MINK1: variants seen among roughly 807,000 people sequenced by gnomAD.
The protein encoded by MINK1 is misshapen like kinase 1.
Under a neutral mutation model 178.4 loss-of-function variants are expected in MINK1, and 46 were observed. That is an observed-to-expected ratio of 0.26 (90% confidence interval 0.20 to 0.33). MINK1 has a LOEUF of 0.33. Ranked by LOEUF, MINK1 falls within the 10% of genes least tolerant of loss-of-function variation. The probability of loss-of-function intolerance (pLI) is 1.00; values close to 1 mark genes in which losing one functional copy is unlikely to be tolerated. For missense variants in MINK1, 1,366 were observed against 1,814.9 expected, an observed-to-expected ratio of 0.75 and a Z score of 4.49; for synonymous variants, 797 against 709.7, an observed-to-expected ratio of 1.12 and a Z score of -1.96.
chr17:4,894,730 C>A lies in MINK1; in HGVS notation c.2917+97C>A. On this transcript the variant is annotated intron_variant, in intron 24 of 31. Transcript: ENST00000355280. The surrounding 1 kb of genome is among the most constrained non-coding windows in gnomAD (Gnocchi z 4.1). The stretch of plus-strand genomic sequence containing the variant: ...TGAGACGCAGCCTCACAAAGCATAG[C>A]CACAGGACCTCTCCCTTGGGCCCTA... 1 of 948,866 alleles carries A rather than the reference C, an allele frequency of 1.1e-6. No homozygotes were observed. The highest frequency in any genetic ancestry group is 1.6e-6 in the Non-Finnish European group (1 of 608,786). 58.8% of individuals were successfully genotyped at this position (948,866 alleles called of 1,614,324 possible).
At chr17:4,868,963 G>C (rs558939836) in intron 1 of MINK1, 3 of 172,588 alleles carry the variant, frequency 1.7e-5, no homozygotes, top group South Asian at 8.4e-5. Context: ...TCGCTCTGTC[G>C]TGCAGGCTGG....
intron 1 of MINK1, among the ~76,000 whole-genome samples, chr17:4,843,091 G>A (rs1476554339): frequency 2.6e-5 from 4 of 152,120 alleles, no homozygotes; most frequent in Non-Finnish European, 5.9e-5. Flanking sequence ...GAGAGAGTCC[G>A]CCTAACCTTA....
chr17:4,846,907 C>T (rs1911125631), intron 1 of MINK1, among the ~76,000 whole-genome samples: 1 of 152,230 alleles, frequency 6.6e-6, no homozygotes, highest in Non-Finnish European at 1.5e-5. Context: ...TTCCCATACT[C>T]ATGCCTCATG....
intron 1 of MINK1, among the ~76,000 whole-genome samples, chr17:4,864,276 G>A (rs1278000870): frequency 3.3e-5 from 5 of 151,912 alleles, no homozygotes; most frequent in Non-Finnish European, 5.9e-5. Flanking sequence ...GCGCATGCCT[G>A]TAATCCCAGC....
chr17:4,860,520 G>GTAC (rs748851829), intron 1 of MINK1, among the ~76,000 whole-genome samples: 5 of 152,218 alleles, frequency 3.3e-5, no homozygotes, highest in South Asian at 2.1e-4. Flanking sequence ...CTCTCAGTCT[G>GTAC]TACTACTACT....
Position 4,896,618 on chromosome 17 carries a change from T to TGCCCCGAGGTG in MINK1, c.3775+37_3776-39dup, listed in dbSNP as rs1268658615. 18 of 1,612,406 alleles carry TGCCCCGAGGTG rather than the reference T, an allele frequency of 1.1e-5. No individual in the cohort carries two copies. The highest frequency in any genetic ancestry group is 1.4e-5 in the Non-Finnish European group (17 of 1,178,960). ...GTGAGCTGCCGCCCTCCCAGCCACA[T>TGCCCCGAGGTG]GCCCCGAGGTGGCCCCGGGGTGCAG... On this transcript the variant is annotated intron_variant, in intron 30 of 31. Transcript: ENST00000355280. The surrounding 1 kb of genome is among the most constrained non-coding windows in gnomAD (Gnocchi z 4.6).
chr17:4,844,204 T>C (rs1233764577), intron 1 of MINK1, among the ~76,000 whole-genome samples: 2 of 152,096 alleles, frequency 1.3e-5, no homozygotes, highest in Non-Finnish European at 2.9e-5. Flanking sequence ...TTTCACCATG[T>C]TGGTCAGGCT....
At position 4,887,681 on chromosome 17, in the gene MINK1, A is replaced by AGCT. The variant is rs755179013; in HGVS notation, c.1124_1126dup (p.Leu375dup). 1 of 1,562,922 alleles carries AGCT rather than the reference A, an allele frequency of 6.4e-7. No homozygotes were observed. The highest frequency in any genetic ancestry group is 1.9e-5 in the Admixed American group (1 of 51,290). Reference sequence around the variant, plus strand: ...TCAGAGGCTTTAAAACAGCAGCAGCAGCTGCAGCAGCAGCAGCAGCGAGAC... The same window carrying AGCT: ...TCAGAGGCTTTAAAACAGCAGCAGCAGCTGCTGCAGCAGCAGCAGCAGCGAGAC... On this transcript the variant is annotated inframe_insertion, in exon 12 of 32. Transcript: ENST00000355280. This position sits in a 1 kb window ranked among gnomAD's most constrained non-coding sequence, Gnocchi z 7.6.
chr17:4,886,972 C>T lies in MINK1; in HGVS notation c.950-138C>T. On this transcript the variant is annotated intron_variant, in intron 10 of 31. Coordinates refer to ENST00000355280, the MANE Select transcript of MINK1 (RefSeq NM_153827.5). This position sits in a 1 kb window ranked among gnomAD's most constrained non-coding sequence, Gnocchi z 6.1. Reference sequence around the variant, plus strand: ...CCCACACCTGAGACCCGCTGTCCTCCCATTGCCCCCAGGAAGTGGGTGGGG... The same window carrying T: ...CCCACACCTGAGACCCGCTGTCCTCTCATTGCCCCCAGGAAGTGGGTGGGG... 1.3e-6 allele frequency: 1 copy of T among 795,848 alleles called. No homozygotes were observed. Among genetic ancestry groups the T allele is most frequent in the Non-Finnish European group, 2.0e-6 (1 of 491,798 alleles). 49.3% of individuals were successfully genotyped at this position (795,848 alleles called of 1,614,324 possible).
Position 4,894,376 on chromosome 17 carries a change from T to A in MINK1, c.2808+65T>A, listed in dbSNP as rs1969206316. 3.2e-6 allele frequency: 5 copies of A among 1,571,972 alleles called. No individual in the cohort carries two copies. The Admixed American group carries it at 5.6e-5, about 18-fold the overall frequency. ...CCTGGCGATGGGCAGGAGGTCCCGG[T>A]GCTGGGTAACGGCAGAGGATGGGGC... On this transcript the variant is annotated intron_variant, in intron 23 of 31. Coordinates refer to ENST00000355280, the MANE Select transcript of MINK1 (RefSeq NM_153827.5). This position sits in a 1 kb window ranked among gnomAD's most constrained non-coding sequence, Gnocchi z 4.1.
At chr17:4,834,839 C>A (rs761374960) in intron 1 of MINK1, 3 of 519,996 alleles carry the variant, frequency 5.8e-6, no homozygotes, top group African/African-American at 3.9e-5. Context: ...AGCCAGGGAA[C>A]ATGGCCAGTA....
At chr17:4,854,702 G>C (rs2150836090) in intron 1 of MINK1, 1 of 468,466 alleles carries the variant, frequency 2.1e-6, no homozygotes, top group East Asian at 6.4e-5. Flanking sequence ...GAACTGGCCT[G>C]ATTTCCTCCC....
rs760295382 is a variant in MINK1, at chr17:4,885,009, C to T, written c.508+7C>T. The stretch of plus-strand genomic sequence containing the variant: ...AATGCTGAGGTCAAGCTAGGTGCGC[C>T]GGCTCCTTCTGAGGCTGACGAGGAC... On this transcript the variant is annotated splice_region_variant and intron_variant, in intron 6 of 31. Transcript: ENST00000355280. The surrounding 1 kb of genome is among the most constrained non-coding windows in gnomAD (Gnocchi z 5.0). 1.4e-5 allele frequency: 22 copies of T among 1,613,530 alleles called. No individual in the cohort carries two copies. The highest frequency in any genetic ancestry group is 2.7e-5 in the African/African-American group (2 of 74,894).
chr17:4,896,683 G>A lies in MINK1; in HGVS notation c.3785G>A (p.Cys1262Tyr), dbSNP rs752226964. The stretch of plus-strand genomic sequence containing the variant: ...CACCTGTTCCCCACAGCCTACATCT[G>A]CTCCAACCAGATAATGGGCTGGGGT... ...GEMPTSVAYI[C>Y]SNQIMGWGEK... Residue 1262 changes from cysteine (C) to tyrosine (Y), a missense_variant, in exon 31 of 32, where the codon TGC (cysteine) becomes TAC (tyrosine). Transcript: ENST00000355280. This position sits in a 1 kb window ranked among gnomAD's most constrained non-coding sequence, Gnocchi z 4.6. The A allele has an allele frequency of 3.1e-6, 5 of 1,601,242 alleles. No homozygotes were observed. The Admixed American group carries it at 5.1e-5, about 16-fold the overall frequency.
rs921630151 is a variant in MINK1 at position 4,897,647 on chromosome 17, C to G, written c.*360C>G. 5.3e-6 allele frequency: 1 copy of G among 188,740 alleles called. No homozygotes were observed. Among genetic ancestry groups the G allele is most frequent in the South Asian group, 1.4e-4 (1 of 7,050 alleles). The allele number at this position is 188,740 out of a possible 1,614,324, so 11.7% of individuals were successfully genotyped here. On this transcript the variant is annotated 3_prime_UTR_variant, in exon 32 of 32. Coordinates refer to ENST00000355280, the MANE Select transcript of MINK1 (RefSeq NM_153827.5). ...CTGCTGACTGGGCAGGGCCCTGGAC[C>G]CCTTTATTTGCACGTCAGGGGAGCC...
At chr17:4,867,880 CA>C (rs1169503095) in intron 1 of MINK1, among the ~76,000 whole-genome samples, 1 of 151,934 alleles carries the variant, frequency 6.6e-6, no homozygotes, top group Non-Finnish European at 1.5e-5. Context: ...TCTTTTGATA[CA>C]TGCATACTAT....
In MINK1 at chr17:4,892,470, C is replaced by T. The variant is rs1383692801; in HGVS notation, c.2156C>T (p.Pro719Leu). 1 of 1,565,664 alleles carries T rather than the reference C, an allele frequency of 6.4e-7. No homozygotes were observed. Among genetic ancestry groups the T allele is most frequent in the Non-Finnish European group, 8.7e-7 (1 of 1,156,062 alleles). ...RRAERGTPKP[P>L]GPPAQPPGPP... ...GCAGAGCGGGGCACCCCAAAGCCTC[C>T]AGGGCCCCCTGCTCAGCCCCCTGGC... is the stretch of plus-strand genomic sequence containing the variant. The change falls in exon 18 of 32, where the codon CCA becomes CTA. Residue 719 changes from proline to leucine, a missense_variant. Transcript: ENST00000355280.
At chr17:4,874,248 T>C (rs963470745) in intron 1 of MINK1, among the ~76,000 whole-genome samples, 1 of 152,222 alleles carries the variant, frequency 6.6e-6, no homozygotes, top group African/African-American at 2.4e-5. Flanking sequence ...GCTCAGGAAA[T>C]ATGTAATGGA....
chr17:4,891,219 CA>C, intron 15 of MINK1, 95 bp downstream of exon 15: 1 of 1,169,156 alleles, frequency 8.6e-7, no homozygotes, highest in South Asian at 1.6e-5. Flanking sequence ...CACACACACA[CA>C]CACACCTGCT....
Sources: gnomAD v4.1 joint callset for allele counts (sites outside exome capture counted in the v4.1 genomes callset) on GRCh38, gnomAD v4.1.1 for gene constraint, Gnocchi (gnomAD v3.1) non-coding constraint, MANE v1.5 for transcripts, NCBI Gene and HGNC (gene_info 2026-07-23, HGNC 2026-07-21) for gene names.